FAM178B: variants seen among roughly 807,000 people sequenced by gnomAD.
The protein encoded by FAM178B is protein FAM178B.
Under a neutral mutation model 91.7 loss-of-function variants are expected in FAM178B, and 82 were observed. That is an observed-to-expected ratio of 0.89 (90% CI 0.75 to 1.07). FAM178B has a LOEUF of 1.07. Ranked by LOEUF, FAM178B falls within the 50% of genes least tolerant of loss-of-function variation. The pLI is 0.00. For missense variants in FAM178B, 769 were observed against 846.7 expected (o/e 0.91, Z 1.14); for synonymous variants, 368 against 359.4 (o/e 1.02, Z -0.27).
chr2:96,948,974 C>T (rs959921445), intron 7 of FAM178B, among the ~76,000 whole-genome samples: 4 of 152,194 alleles, frequency 2.6e-5, no homozygotes, highest in African/African-American at 9.6e-5. Context: ...GCGTGGATGC[C>T]CTCCGGTCGG....
At chr2:96,949,790 T>C (rs1328088944) in intron 7 of FAM178B, among the ~76,000 whole-genome samples, 3 of 152,312 alleles carry the variant, frequency 2.0e-5, no homozygotes, top group Admixed American at 2.0e-4. Flanking sequence ...ACAGCGTGCC[T>C]CACAGAGGAC....
intron 1 of FAM178B, among the ~76,000 whole-genome samples, chr2:96,975,583 C>T (rs1011535429): frequency 2.6e-5 from 4 of 152,208 alleles, no homozygotes; most frequent in Non-Finnish European, 5.9e-5. Context: ...TTATTCTCTT[C>T]TAGCTATTTT....
At chr2:96,925,543 G>C (rs1008312692) in intron 9 of FAM178B, among the ~76,000 whole-genome samples, 7 of 152,202 alleles carry the variant, frequency 4.6e-5, no homozygotes, top group African/African-American at 1.7e-4. Flanking sequence ...GCCAGCAAGG[G>C]GCCACAGCCC....
chr2:96,914,697 TG>T (rs2081213253), intron 12 of FAM178B, among the ~76,000 whole-genome samples: 1 of 152,174 alleles, frequency 6.6e-6, no homozygotes, highest in African/African-American at 2.4e-5. Context: ...AAGACCAGGC[TG>T]GGGAACACAG....
chr2:96,906,737 C>G (rs918654996), intron 12 of FAM178B, among the ~76,000 whole-genome samples: 3 of 152,248 alleles, frequency 2.0e-5, no homozygotes, highest in Non-Finnish European at 4.4e-5. Context: ...TTCTCCCCCA[C>G]GCACAGGCCT....
chr2:96,975,661 C>T (rs1306405089), intron 1 of FAM178B, among the ~76,000 whole-genome samples: 3 of 152,192 alleles, frequency 2.0e-5, no homozygotes, highest in Non-Finnish European at 4.4e-5. Flanking sequence ...AGCCTAATTT[C>T]TTCTATCAAG....
At chr2:96,924,965 C>T (rs1207855259) in intron 9 of FAM178B, among the ~76,000 whole-genome samples, 4 of 152,010 alleles carry the variant, frequency 2.6e-5, no homozygotes, top group African/African-American at 4.8e-5. Flanking sequence ...AAGTTGGTGC[C>T]GACAAACCAA....
chr2:96,905,840 A>T (rs1010394673), intron 12 of FAM178B, among the ~76,000 whole-genome samples: 2 of 27,684 alleles, frequency 7.2e-5, no homozygotes, highest in African/African-American at 9.9e-5. Context: ...ATATATATAT[A>T]TATATATATA....
chr2:96,898,544 C>T (rs1270383584), intron 13 of FAM178B, among the ~76,000 whole-genome samples: 10 of 152,138 alleles, frequency 6.6e-5, no homozygotes, highest in Non-Finnish European at 1.3e-4. Flanking sequence ...GTCCCAGCTA[C>T]TCGGGAGGCT....
chr2:96,980,234 C>T (rs2082344690), intron 1 of FAM178B, among the ~76,000 whole-genome samples: 1 of 152,012 alleles, frequency 6.6e-6, no homozygotes, highest in Non-Finnish European at 1.5e-5. Flanking sequence ...CACCACCACA[C>T]CCAGCTAATT....
chr2:96,901,609 T>C (rs934590816), intron 13 of FAM178B, among the ~76,000 whole-genome samples: 1 of 152,164 alleles, frequency 6.6e-6, no homozygotes, highest in Non-Finnish European at 1.5e-5. Context: ...TTTTATGCTT[T>C]ACTATAAAAA....
At chr2:96,971,175 G>C (rs967746132) in intron 3 of FAM178B, among the ~76,000 whole-genome samples, 1 of 151,610 alleles carries the variant, frequency 6.6e-6, no homozygotes, top group Non-Finnish European at 1.5e-5. Context: ...CAAAGCCAAA[G>C]AGCTTCTCTC....
chr2:96,977,434 C>T (rs1236916418), intron 1 of FAM178B, among the ~76,000 whole-genome samples: 12 of 143,046 alleles, frequency 8.4e-5, no homozygotes, highest in South Asian at 2.2e-4. Flanking sequence ...AAAACGTGAA[C>T]GACCGTGCCT....
intron 12 of FAM178B, among the ~76,000 whole-genome samples, chr2:96,917,071 C>T (rs2081252719): frequency 6.6e-6 from 1 of 152,148 alleles, no homozygotes; most frequent in Non-Finnish European, 1.5e-5. Context: ...CCAGAACACA[C>T]CCTGAAGAGC....
chr2:96,886,539 G>A (rs934295571), intron 14 of FAM178B, among the ~76,000 whole-genome samples: 27 of 152,250 alleles, frequency 1.8e-4, no homozygotes, highest in African/African-American at 6.0e-4. Context: ...GCCCGGAGGA[G>A]GAGGGTGTGA....
chr2:96,958,532 A>T (rs539923679), intron 6 of FAM178B, among the ~76,000 whole-genome samples: 1 of 151,868 alleles, frequency 6.6e-6, no homozygotes, highest in East Asian at 2.0e-4. Flanking sequence ...CTACAAAAAA[A>T]TACAAAAATT....
intron 14 of FAM178B, among the ~76,000 whole-genome samples, chr2:96,886,854 C>T (rs186555486): frequency 3.3e-5 from 5 of 152,214 alleles, no homozygotes; most frequent in African/African-American, 7.2e-5. Flanking sequence ...GCCATCCTCC[C>T]GAGTAGCTAG....
At chr2:96,910,921 C>A (rs2081143599) in intron 12 of FAM178B, among the ~76,000 whole-genome samples, 2 of 151,622 alleles carry the variant, frequency 1.3e-5, no homozygotes, top group South Asian at 4.2e-4. Context: ...GTGCACACCA[C>A]AATGCCCGGC....
At position 96,929,254 on chromosome 2, in the gene FAM178B, G is replaced by C. The variant is rs955293849; in HGVS notation, c.1145C>G (p.Ala382Gly). Residue 382 changes from alanine (A) to glycine (G), a missense_variant, in exon 9 of 17, where the codon GCC becomes GGC. Ala to Gly is a moderately conservative substitution (Grantham distance 60). Transcript: ENST00000490605. ...CAGAGGGTACAGGGCAGGACTGTGGGCACCCAGGCTGTGGAATGCCTCCCT... is the reference window on the plus strand; with the variant it reads ...CAGAGGGTACAGGGCAGGACTGTGGCCACCCAGGCTGTGGAATGCCTCCCT... ...EVREAFHSLG[A>G]HSPALYPLGP... The C allele has an allele frequency of 5.0e-5, 77 of 1,551,516 alleles. 1 individual carries two copies. The Admixed American group carries it at 9.2e-4, about 19-fold the overall frequency.
Sources: gnomAD v4.1 joint callset for allele counts (sites outside exome capture counted in the v4.1 genomes callset) on GRCh38, gnomAD v4.1.1 for gene constraint, MANE v1.5 for transcripts, NCBI Gene and HGNC (gene_info 2026-07-23, HGNC 2026-07-21) for gene names.